Variants in KCNK17 observed in about 807,000 individuals in gnomAD.
KCNK17 encodes the protein potassium two pore domain channel subfamily K member 17.
Under a neutral mutation model 24.6 loss-of-function variants are expected in KCNK17, and 27 were observed. The observed-to-expected ratio is 1.10, with a 90% CI of 0.81 to 1.51. The LOEUF (loss-of-function observed/expected upper bound fraction) is 1.51, where lower values mean the gene tolerates loss of function less well. Ranked by LOEUF, KCNK17 falls within the 40% of genes most tolerant of loss-of-function variation. The probability of loss-of-function intolerance (pLI) is 0.00; values close to 1 mark genes in which losing one functional copy is unlikely to be tolerated. For synonymous variants in KCNK17, 181 were observed against 189.8 expected, an observed-to-expected ratio of 0.95 and a Z score of 0.38; for missense variants, 450 against 436.6, an observed-to-expected ratio of 1.03 and a Z score of -0.27.
Position 39,310,892 on chromosome 6 carries a change from C to T in KCNK17, c.352+1G>A. 1 of 1,121,166 alleles carries T rather than the reference C, an allele frequency of 8.9e-7. No individual in the cohort carries two copies. The highest frequency in any genetic ancestry group is 1.3e-6 in the Non-Finnish European group (1 of 762,282). 69.5% of individuals were successfully genotyped at this position (1,121,166 alleles called of 1,614,324 possible). On this transcript the variant is annotated splice_donor_variant, in intron 2 of 4. Transcript: ENST00000373231. LOFTEE classifies it high-confidence loss of function. ...TCCCCCTGGCCCCATCTGGCCCTTA[C>T]CAATGGTGGTGATGGTGGACACAGA...
chr6:39,305,596 C>T (rs1762021660), intron 2 of KCNK17, among the ~76,000 whole-genome samples: 1 of 152,200 alleles, frequency 6.6e-6, no homozygotes, highest in Admixed American at 6.5e-5. Flanking sequence ...TTTTCTCCTC[C>T]AGCTCTGCCT....
intron 1 of KCNK17, 48 bp from the exon 2 acceptor site, chr6:39,311,055 T>A: frequency 8.4e-6 from 9 of 1,069,440 alleles, no homozygotes; most frequent in Middle Eastern, 2.1e-4. Context: ...GGTGATGGAT[T>A]TCCTGTACCC....
At chr6:39,304,758 C>A (rs1018765095) in intron 2 of KCNK17, 103 bp from the exon 3 acceptor site, 14 of 1,300,632 alleles carry the variant, frequency 1.1e-5, no homozygotes, top group African/African-American at 2.9e-5. Flanking sequence ...CTCATTCTAA[C>A]CCACTGTAGA....
chr6:39,305,331 A>G (rs936700688), intron 2 of KCNK17, among the ~76,000 whole-genome samples: 3 of 152,146 alleles, frequency 2.0e-5, no homozygotes, highest in Non-Finnish European at 2.9e-5. Flanking sequence ...CTTCTCTTTT[A>G]TCCTTCAAAG....
Position 39,304,006 on chromosome 6 carries a change from G to A in KCNK17, c.639C>T (p.Tyr213=). 6.2e-7 allele frequency: 1 copy of A among 1,613,912 alleles called. No individual in the cohort carries two copies. The highest frequency in any genetic ancestry group is 8.5e-7 in the Non-Finnish European group (1 of 1,180,020). The change falls in exon 4 of 5, where the codon TAC becomes TAT. Residue 213 remains tyrosine, a synonymous_variant. Coordinates refer to ENST00000373231, the MANE Select transcript of KCNK17 (RefSeq NM_031460.4). ...MEGWSYTEGF[Y]FAFITLSTVG... is the part of the protein sequence containing the mutation. The stretch of plus-strand genomic sequence containing the variant: ...CGGTGCTGAGGGTGATGAAGGCGAA[G>A]TAGAAGCCCTCTGTGTAGCTCCAGC...
Position 39,304,742 on chromosome 6 carries a change from A to G in KCNK17, c.353-87T>C, listed in dbSNP as rs1385570755. On this transcript the variant is annotated intron_variant, in intron 2 of 4. Coordinates refer to ENST00000373231, the MANE Select transcript of KCNK17 (RefSeq NM_031460.4). ...AGCCCCACTCCTGGGCCCAACCCCC[A>G]GGGCCCTCATTCTAACCCACTGTAG... 8 of 1,437,926 alleles carry G rather than the reference A, an allele frequency of 5.6e-6. No individual in the cohort carries two copies. The East Asian group carries it at 1.6e-4, about 29-fold the overall frequency. The allele number at this position is 1,437,926 out of a possible 1,614,324, so 89.1% of individuals were successfully genotyped here. A position where few individuals can be genotyped will look rare whatever the true frequency, so the allele number is the denominator to read the frequency against.
In KCNK17 at chr6:39,311,304, T is replaced by A. The variant is rs547941064; in HGVS notation, c.238-297A>T. Among the ~76,000 whole-genome samples, 4 of 152,258 alleles carry A rather than the reference T, an allele frequency of 2.6e-5. No homozygotes were observed. In the East Asian group the frequency reaches 7.7e-4, roughly 29 times the overall value. On this transcript the variant is annotated intron_variant, in intron 1 of 4. Coordinates refer to ENST00000373231, the MANE Select transcript of KCNK17 (RefSeq NM_031460.4). Reference sequence around the variant, plus strand: ...GTTGGAGTCCTAGTAAACCAGCGACTCATTTTCTCCCCTGCTCACTCCCAT... The same window carrying A: ...GTTGGAGTCCTAGTAAACCAGCGACACATTTTCTCCCCTGCTCACTCCCAT...
At chr6:39,308,408 T>G (rs1762071936) in intron 2 of KCNK17, among the ~76,000 whole-genome samples, 2 of 152,202 alleles carry the variant, frequency 1.3e-5, no homozygotes, top group South Asian at 4.1e-4. Context: ...CTCGTGCTTC[T>G]GCCTCCCAAA....
chr6:39,306,766 G>GTTTT (rs34588404), intron 2 of KCNK17, among the ~76,000 whole-genome samples: 22 of 130,508 alleles, frequency 1.7e-4, no homozygotes, highest in Admixed American at 7.0e-4. Context: ...TTCTTTCTTT[G>GTTTT]TTTTTTTTTT....
intron 2 of KCNK17, among the ~76,000 whole-genome samples, chr6:39,309,909 T>G (rs937954673): frequency 5.3e-5 from 8 of 152,304 alleles, no homozygotes; most frequent in East Asian, 1.9e-4. Context: ...CCAAGCATGC[T>G]TGTCTCAAGG....
intron 1 of KCNK17, among the ~76,000 whole-genome samples, chr6:39,311,919 G>A (rs961889083): frequency 9.9e-5 from 15 of 152,150 alleles, no homozygotes; most frequent in African/African-American, 3.4e-4. Flanking sequence ...CCATGCCAGG[G>A]ATGAAGTCGC....
intron 1 of KCNK17, among the ~76,000 whole-genome samples, chr6:39,313,570 C>T (rs1311786258): frequency 6.6e-6 from 1 of 152,342 alleles, no homozygotes; most frequent in East Asian, 1.9e-4. Flanking sequence ...TCCTTAGACC[C>T]GGCGCCCCTG....
intron 1 of KCNK17, 84 bp downstream of exon 1, chr6:39,314,000 T>G: frequency 9.5e-7 from 1 of 1,055,850 alleles, no homozygotes; most frequent in Non-Finnish European, 1.3e-6. Flanking sequence ...AGGGCCTGAA[T>G]AGGCCCCCTC....
chr6:39,303,849 A>G, intron 4 of KCNK17, 108 bp downstream of exon 4: 2 of 1,274,676 alleles, frequency 1.6e-6, no homozygotes, highest in Admixed American at 2.0e-5. Flanking sequence ...TGGGCCCAAA[A>G]GCCCCCACAT....
In KCNK17 at chr6:39,308,447, C is replaced by T. The variant is rs188561573; in HGVS notation, c.352+2446G>A. ...CTGGGATTACAGGCACCCGCCACCA[C>T]GTCTGGCTAATTTTCATATTTTTAG... On this transcript the variant is annotated intron_variant, in intron 2 of 4. Transcript: ENST00000373231. Among the ~76,000 whole-genome samples the T allele has an allele frequency of 1.7e-4, 26 of 152,338 alleles. No homozygotes were observed. The East Asian group carries it at 4.6e-3, about 27-fold the overall frequency.
rs1368616283 is a variant in KCNK17 at position 39,314,182 on chromosome 6, C to T, written c.139G>A (p.Ala47Thr). 1.3e-6 allele frequency: 2 copies of T among 1,556,556 alleles called. No homozygotes were observed. The highest frequency in any genetic ancestry group is 1.4e-5 in the African/African-American group (1 of 73,706). The stretch of plus-strand genomic sequence containing the variant: ...AAGCTGCGGCTGGAGTCCTGCGCCG[C>T]GCGGCCCTCCAGCGTCCAGAACACG... ...TGVFWTLEGR[A>T]AQDSSRSFQR... The change falls in exon 1 of 5, where the codon GCG becomes ACG. Residue 47 changes from alanine (A) to threonine (T), a missense_variant. Transcript: ENST00000373231.
At chr6:39,313,086 G>A (rs1022551755) in intron 1 of KCNK17, among the ~76,000 whole-genome samples, 1 of 152,312 alleles carries the variant, frequency 6.6e-6, no homozygotes, top group Non-Finnish European at 1.5e-5. Context: ...GGGCTGGCGC[G>A]CAGCTGTCTG....
chr6:39,299,669 T>A lies in KCNK17; in HGVS notation c.757A>T (p.Met253Leu), dbSNP rs35677794. ...TTGATGATCAAGGCCAGCCATGCCA[T>A]CCCAAAGAGGATCCACAGGGACACC... is the stretch of plus-strand genomic sequence containing the variant. ...NMVSLWILFG[M>L]AWLALIIKLI... is the part of the protein sequence containing the mutation. Residue 253 changes from methionine (M) to leucine (L), a missense_variant, in exon 5 of 5, where the codon ATG (methionine) becomes TTG (leucine). Transcript: ENST00000373231. 7.9e-4 allele frequency: 1,280 copies of A among 1,614,070 alleles called. 7 individuals carry two copies. The African/African-American group carries it at 0.015, about 19-fold the overall frequency.
chr6:39,309,202 T>C (rs1161499762), intron 2 of KCNK17, among the ~76,000 whole-genome samples: 1 of 152,236 alleles, frequency 6.6e-6, no homozygotes, highest in Non-Finnish European at 1.5e-5. Flanking sequence ...CAAGTGCCTG[T>C]AGTCCCAGCT....
Sources: gnomAD v4.1 joint callset for allele counts (sites outside exome capture counted in the v4.1 genomes callset) on GRCh38, gnomAD v4.1.1 for gene constraint, MANE v1.5 for transcripts, NCBI Gene and HGNC (gene_info 2026-07-23, HGNC 2026-07-21) for gene names.